RPH3A: variants seen among roughly 807,000 people sequenced by gnomAD.
RPH3A encodes rabphilin-3A.
RPH3A carries 48 observed loss-of-function variants against 102.2 expected under a neutral mutation model. That is an observed-to-expected ratio of 0.47 (90% confidence interval 0.37 to 0.60). RPH3A has a LOEUF of 0.60. Among genes scored for constraint, RPH3A ranks in the 20% least tolerant of loss-of-function variants. RPH3A has a pLI of 0.00. For missense variants in RPH3A, 781 were observed against 910.1 expected (o/e 0.86, Z 1.83); for synonymous variants, 310 against 324.3 (o/e 0.96, Z 0.47).
chr12:112,619,597 A>ATAT (rs1293478517), intron 1 of RPH3A, among the ~76,000 whole-genome samples: 1 of 152,118 alleles, frequency 6.6e-6, no homozygotes, highest in Non-Finnish European at 1.5e-5. Flanking sequence ...TCTATGTTAA[A>ATAT]TATTTTGAGA....
In RPH3A at chr12:112,851,230, G is replaced by A. The variant is rs535509270; in HGVS notation, c.230+3388G>A. 1.2e-4 allele frequency among the ~76,000 whole-genome samples: 19 copies of A among 152,256 alleles called. No homozygotes were observed. In the East Asian group the frequency reaches 2.7e-3, roughly 22 times the overall value. On this transcript the variant is annotated intron_variant, in intron 5 of 21. Transcript: ENST00000389385. ...TCCCCATTTTGCAGGTGAGGAAACC[G>A]AAGCTTAGAGAGTTTAGGTCATTTG...
At chr12:112,718,445 C>T (rs958917083) in intron 1 of RPH3A, among the ~76,000 whole-genome samples, 2 of 151,866 alleles carry the variant, frequency 1.3e-5, no homozygotes, top group African/African-American at 4.8e-5. Context: ...ACAATGATTC[C>T]CAAATGGGGG....
chr12:112,824,634 C>T (rs1329753828), intron 2 of RPH3A, among the ~76,000 whole-genome samples: 1 of 152,108 alleles, frequency 6.6e-6, no homozygotes, highest in Non-Finnish European at 1.5e-5. Context: ...GGGGTAAGCA[C>T]CAGATAAAGA....
intron 1 of RPH3A, among the ~76,000 whole-genome samples, chr12:112,770,854 C>T (rs1016657230): frequency 6.6e-6 from 1 of 152,136 alleles, no homozygotes; most frequent in Admixed American, 6.5e-5. Flanking sequence ...TGGCTTGGGG[C>T]AGGGGTCAGA....
At chr12:112,594,630 A>G (rs1214280076) in intron 1 of RPH3A, among the ~76,000 whole-genome samples, 1 of 152,138 alleles carries the variant, frequency 6.6e-6, no homozygotes, top group Non-Finnish European at 1.5e-5. Context: ...CAAAAACAAA[A>G]CAGATTCTGT....
At chr12:112,653,110 G>T (rs1220433590) in intron 1 of RPH3A, among the ~76,000 whole-genome samples, 3 of 152,066 alleles carry the variant, frequency 2.0e-5, no homozygotes, top group Non-Finnish European at 2.9e-5. Context: ...ATAAATACAG[G>T]CCGAGGGAGG....
intron 1 of RPH3A, among the ~76,000 whole-genome samples, chr12:112,675,699 G>C (rs946400444): frequency 6.6e-6 from 1 of 152,180 alleles, no homozygotes; most frequent in Non-Finnish European, 1.5e-5. Flanking sequence ...TATGACTCTG[G>C]TTGTATCTGA....
At chr12:112,824,406 C>T (rs1452337704) in intron 2 of RPH3A, among the ~76,000 whole-genome samples, 1 of 152,118 alleles carries the variant, frequency 6.6e-6, no homozygotes, top group African/African-American at 2.4e-5. Context: ...GCTAACACTC[C>T]TAGAGGCTGG....
intron 1 of RPH3A, among the ~76,000 whole-genome samples, chr12:112,743,115 T>C (rs1472051117): frequency 6.6e-6 from 1 of 152,214 alleles, no homozygotes; most frequent in Non-Finnish European, 1.5e-5. Flanking sequence ...CTCCAGATAA[T>C]AGAGAATCAT....
At chr12:112,648,197 A>G (rs2039945603) in intron 1 of RPH3A, among the ~76,000 whole-genome samples, 1 of 152,156 alleles carries the variant, frequency 6.6e-6, no homozygotes, top group Non-Finnish European at 1.5e-5. Context: ...ATCATTACAT[A>G]TACTATATAC....
chr12:112,661,616 G>T (rs2040049103), intron 1 of RPH3A, among the ~76,000 whole-genome samples: 1 of 152,170 alleles, frequency 6.6e-6, no homozygotes, highest in South Asian at 2.1e-4. Flanking sequence ...TTCCTGGAAG[G>T]AAACAGTTGT....
At chr12:112,840,839 C>A (rs2042129009) in intron 4 of RPH3A, among the ~76,000 whole-genome samples, 1 of 152,132 alleles carries the variant, frequency 6.6e-6, no homozygotes, top group South Asian at 2.1e-4. Context: ...TTCCTGCAGC[C>A]AGGACATGGC....
chr12:112,586,103 A>G (rs752837803), intron 1 of RPH3A, among the ~76,000 whole-genome samples: 2 of 152,212 alleles, frequency 1.3e-5, no homozygotes, highest in Non-Finnish European at 2.9e-5. Flanking sequence ...GATGTGTCAT[A>G]TAAAGGTTGA....
chr12:112,792,583 G>A (rs2041143127), intron 2 of RPH3A, among the ~76,000 whole-genome samples: 1 of 152,218 alleles, frequency 6.6e-6, no homozygotes, highest in African/African-American at 2.4e-5. Context: ...AGTTCTCTGA[G>A]AGAGTTAACC....
intron 14 of RPH3A, among the ~76,000 whole-genome samples, chr12:112,880,060 CT>C (rs2042880569): frequency 6.6e-6 from 1 of 152,212 alleles, no homozygotes; most frequent in South Asian, 2.1e-4. Flanking sequence ...CTTTTTCACT[CT>C]TAAAATGTCT....
At chr12:112,796,513 A>G (rs1290753282) in intron 2 of RPH3A, among the ~76,000 whole-genome samples, 1 of 152,174 alleles carries the variant, frequency 6.6e-6, no homozygotes, top group Non-Finnish European at 1.5e-5. Flanking sequence ...CGAACATGTC[A>G]GTTTGGGGCC....
At chr12:112,727,511 CAT>C (rs1248997739) in intron 1 of RPH3A, among the ~76,000 whole-genome samples, 1 of 109,992 alleles carries the variant, frequency 9.1e-6, no homozygotes, top group Non-Finnish European at 1.8e-5. Flanking sequence ...CCCCCACACA[CAT>C]ATATATATAT....
chr12:112,865,636 G>A (rs1292385264), intron 6 of RPH3A, 93 bp downstream of exon 6: 19 of 1,377,948 alleles, frequency 1.4e-5, no homozygotes, highest in Non-Finnish European at 1.8e-5. Context: ...GGTCTTGGGG[G>A]TGGAGCTTGG....
chr12:112,681,879 C>T (rs2040228358), intron 1 of RPH3A, among the ~76,000 whole-genome samples: 1 of 152,186 alleles, frequency 6.6e-6, no homozygotes, highest in Non-Finnish European at 1.5e-5. Flanking sequence ...CCCTTTGCTG[C>T]CAGGATAAAT....
Sources: allele counts gnomAD v4.1 joint callset (sites outside exome capture counted in the v4.1 genomes callset), GRCh38; gene constraint gnomAD v4.1.1; transcripts MANE v1.5; gene names NCBI Gene and HGNC (gene_info 2026-07-23, HGNC 2026-07-21).